Variants in AJAP1 observed in about 807,000 individuals in gnomAD.
The protein encoded by AJAP1 is adherens junction-associated protein 1.
In AJAP1, 5 loss-of-function variants were observed where a neutral mutation model predicts 35.0. That is an observed-to-expected ratio of 0.14 (90% CI 0.07 to 0.30). The LOEUF (loss-of-function observed/expected upper bound fraction) is 0.30, where lower values mean the gene tolerates loss of function less well. Among genes scored for constraint, AJAP1 ranks in the 10% least tolerant of loss-of-function variants. The pLI is 1.00. For synonymous variants in AJAP1, 284 were observed against 249.3 expected, an observed-to-expected ratio of 1.14 and a Z score of -1.31; for missense variants, 586 against 571.0, an observed-to-expected ratio of 1.03 and a Z score of -0.27.
At chr1:4,781,697 C>T (rs1277796875) in intron 5 of AJAP1, among the ~76,000 whole-genome samples, 1 of 152,220 alleles carries the variant, frequency 6.6e-6, no homozygotes, top group Admixed American at 6.5e-5. Flanking sequence ...AGACAGCACC[C>T]CATCCCTGTG....
intron 1 of AJAP1, among the ~76,000 whole-genome samples, chr1:4,705,224 A>G (rs943445754): frequency 6.6e-6 from 1 of 152,004 alleles, no homozygotes; most frequent in Non-Finnish European, 1.5e-5. Flanking sequence ...TACACCTTAT[A>G]CAAAAATTAA....
rs536339759 is a variant in AJAP1 at position 4,743,967 on chromosome 1, G to A, written c.830-25886G>A. On this transcript the variant is annotated intron_variant, in intron 2 of 5. Coordinates refer to ENST00000378191, the MANE Select transcript of AJAP1 (RefSeq NM_018836.4). ...CTCCAGGCTCTCCAGGTTGGGATGCGGAGGTGAAGTGATGTGGTGTTTTTT... is the reference window on the plus strand; with the variant it reads ...CTCCAGGCTCTCCAGGTTGGGATGCAGAGGTGAAGTGATGTGGTGTTTTTT... 4.3e-4 allele frequency among the ~76,000 whole-genome samples: 66 copies of A among 152,346 alleles called. 1 individual carries two copies. The highest frequency in any genetic ancestry group is 1.3e-3 in the African/African-American group (52 of 41,572).
rs192275428 is a variant in AJAP1, at chr1:4,724,418, C to T, written c.829+11719C>T. ...AGAAGGGGTCACCACCCTGCATTCC[C>T]ACCCCTCTTTTCTCTGAAGCCCCCA... is the stretch of plus-strand genomic sequence containing the variant. On this transcript the variant is annotated intron_variant, in intron 2 of 5. Coordinates refer to ENST00000378191, the MANE Select transcript of AJAP1 (RefSeq NM_018836.4). Among the ~76,000 whole-genome samples, 782 of 152,256 alleles carry T rather than the reference C, an allele frequency of 5.1e-3. 3 individuals carry two copies. The highest frequency in any genetic ancestry group is 8.7e-3 in the South Asian group (42 of 4,828).
chr1:4,779,768 G>A (rs748169039), intron 5 of AJAP1, among the ~76,000 whole-genome samples: 11 of 152,088 alleles, frequency 7.2e-5, no homozygotes, highest in East Asian at 1.9e-4. Flanking sequence ...GTAGGGTCTC[G>A]AAGCCTAGCT....
rs564703248 is a variant in AJAP1 at position 4,732,881 on chromosome 1, C to A, written c.829+20182C>A. Among the ~76,000 whole-genome samples, 18 of 152,318 alleles carry A rather than the reference C, an allele frequency of 1.2e-4. No individual in the cohort carries two copies. The South Asian group carries it at 3.5e-3, about 30-fold the overall frequency. ...GAGCTGTTTCTTTTCTTTCCCCTGA[C>A]GCTCTTGGGAGATCCTTGGAGGAAC... is the stretch of plus-strand genomic sequence containing the variant. On this transcript the variant is annotated intron_variant, in intron 2 of 5. Coordinates refer to ENST00000378191, the MANE Select transcript of AJAP1 (RefSeq NM_018836.4).
intron 5 of AJAP1, among the ~76,000 whole-genome samples, chr1:4,774,771 A>G (rs1278004288): frequency 1.3e-5 from 2 of 151,950 alleles, no homozygotes; most frequent in African/African-American, 4.8e-5. Flanking sequence ...GTCCCAGGGG[A>G]GGATAGTAAC....
intron 1 of AJAP1, among the ~76,000 whole-genome samples, chr1:4,683,569 G>T (rs59425660): frequency 0.081 from 12,275 of 152,272 alleles, 697 homozygotes; most frequent in East Asian, 0.22. Context: ...GGAAAGCAAA[G>T]AAATGTAGGC....
At chr1:4,666,292 C>G (rs376555881) in intron 1 of AJAP1, among the ~76,000 whole-genome samples, 88 of 152,246 alleles carry the variant, frequency 5.8e-4, no homozygotes, top group African/African-American at 2.0e-3. Context: ...TGGGTCAGCC[C>G]TTAGGAGTTG....
chr1:4,760,549 C>G (rs1641542335), intron 2 of AJAP1, among the ~76,000 whole-genome samples: 1 of 152,168 alleles, frequency 6.6e-6, no homozygotes, highest in African/African-American at 2.4e-5. Flanking sequence ...TCCCCCGCCC[C>G]TGGGATGGCC....
intron 2 of AJAP1, among the ~76,000 whole-genome samples, chr1:4,738,280 G>C (rs1640976906): frequency 6.6e-6 from 1 of 152,242 alleles, no homozygotes; most frequent in Non-Finnish European, 1.5e-5. Context: ...TGATTGTCTG[G>C]AAATTCACTC....
chr1:4,688,601 C>T (rs1213656839), intron 1 of AJAP1, among the ~76,000 whole-genome samples: 3 of 151,882 alleles, frequency 2.0e-5, no homozygotes, highest in Admixed American at 6.6e-5. Flanking sequence ...GGTGAAACCC[C>T]ATCTCTACTA....
In AJAP1 at chr1:4,655,278, C is replaced by T. The variant is rs960359107; in HGVS notation, c.-148C>T. 4.4e-6 allele frequency: 2 copies of T among 452,574 alleles called. No homozygotes were observed. The highest frequency in any genetic ancestry group is 9.2e-5 in the South Asian group (1 of 10,830). 28.0% of individuals were successfully genotyped at this position (452,574 alleles called of 1,614,324 possible). A position where few individuals can be genotyped will look rare whatever the true frequency, so the allele number is the denominator to read the frequency against. On this transcript the variant is annotated 5_prime_UTR_variant, in exon 1 of 6. Transcript: ENST00000378191. The surrounding 1 kb of genome is among the most constrained non-coding windows in gnomAD (Gnocchi z 6.9). ...AGCCCCGCGCGGCCGCGCTCTGACT[C>T]GCTGTGCGCCCCGCGGCCGGCGGGC...
In AJAP1 at chr1:4,720,223, A is replaced by C. The variant is rs1364659282; in HGVS notation, c.829+7524A>C. ...GGACCCATGTGCCACGTGGTTAGAC[A>C]TGAAGACAGGCTTCGGGTCCCCGCT... On this transcript the variant is annotated intron_variant, in intron 2 of 5. Coordinates refer to ENST00000378191, the MANE Select transcript of AJAP1 (RefSeq NM_018836.4). The surrounding 1 kb of genome is among the most constrained non-coding windows in gnomAD (Gnocchi z 4.4). Among the ~76,000 whole-genome samples the C allele has an allele frequency of 6.6e-6, 1 of 152,220 alleles. No individual in the cohort carries two copies. The highest frequency in any genetic ancestry group is 1.5e-5 in the Non-Finnish European group (1 of 68,038).
intron 2 of AJAP1, among the ~76,000 whole-genome samples, chr1:4,715,148 C>A (rs1306234898): frequency 6.6e-6 from 1 of 152,210 alleles, no homozygotes; most frequent in Non-Finnish European, 1.5e-5. Context: ...CAGATGCAGA[C>A]CTGCGCCCCC....
chr1:4,679,131 C>G (rs1036475689), intron 1 of AJAP1, among the ~76,000 whole-genome samples: 1 of 152,214 alleles, frequency 6.6e-6, no homozygotes, highest in East Asian at 1.9e-4. Context: ...CCAGCTTTCT[C>G]AAGTTTGGAA....
At chr1:4,694,249 G>C (rs543416140) in intron 1 of AJAP1, among the ~76,000 whole-genome samples, 1 of 152,164 alleles carries the variant, frequency 6.6e-6, no homozygotes, top group African/African-American at 2.4e-5. Context: ...ATCAGATGTC[G>C]TCATAATCCC....
Position 4,787,515 on chromosome 1 carries a change from A to G in AJAP1, c.*5030A>G. ...TTAGCTCTTGGATAAAATGCAGTGC[A>G]GCACTGAAGATAAGACATCGCAGTT... On this transcript the variant is annotated 3_prime_UTR_variant, in exon 6 of 6. Transcript: ENST00000378191. 2.7e-6 allele frequency: 1 copy of G among 364,458 alleles called. No individual in the cohort carries two copies. Among genetic ancestry groups the G allele is most frequent in the Non-Finnish European group, 5.5e-6 (1 of 181,912 alleles). 22.6% of individuals were successfully genotyped at this position (364,458 alleles called of 1,614,324 possible).
chr1:4,722,499 C>G (rs907372396), intron 2 of AJAP1, among the ~76,000 whole-genome samples: 4 of 152,262 alleles, frequency 2.6e-5, no homozygotes, highest in Admixed American at 2.6e-4. Context: ...GAGGCCCAGC[C>G]TTCATCTGTG....
intron 1 of AJAP1, among the ~76,000 whole-genome samples, chr1:4,683,612 C>T (rs1171021221): frequency 2.6e-5 from 4 of 152,206 alleles, no homozygotes; most frequent in African/African-American, 4.8e-5. Context: ...GAAAATGTTT[C>T]GTCCTGCACT....
Sources: allele counts gnomAD v4.1 joint callset (sites outside exome capture counted in the v4.1 genomes callset), GRCh38; gene constraint gnomAD v4.1.1; non-coding constraint Gnocchi (gnomAD v3.1); transcripts MANE v1.5; gene names NCBI Gene and HGNC (gene_info 2026-07-23, HGNC 2026-07-21).